The following LDLRAD4 variants were observed in gnomAD, a reference collection of about 807,000 sequenced individuals.
The protein encoded by LDLRAD4 is low-density lipoprotein receptor class A domain-containing protein 4.
In LDLRAD4, 5 loss-of-function variants were observed where a neutral mutation model predicts 17.0. That is an observed-to-expected ratio of 0.29 (90% CI 0.15 to 0.62). LDLRAD4 has a LOEUF of 0.62. Ranked by LOEUF, LDLRAD4 falls within the 20% of genes least tolerant of loss-of-function variation. The pLI is 0.84. For synonymous variants in LDLRAD4, 168 were observed against 171.8 expected, an observed-to-expected ratio of 0.98 and a Z score of 0.17; for missense variants, 340 against 424.7, an observed-to-expected ratio of 0.80 and a Z score of 1.75.
chr18:13,343,779 C>A (rs1253686505), intron 1 of LDLRAD4, among the ~76,000 whole-genome samples: 2 of 152,194 alleles, frequency 1.3e-5, no homozygotes, highest in Non-Finnish European at 2.9e-5. Context: ...ATCATTCTAA[C>A]TGGTGTGAGA....
intron 3 of LDLRAD4, among the ~76,000 whole-genome samples, chr18:13,439,938 C>T (rs1048135843): frequency 6.6e-6 from 1 of 152,210 alleles, no homozygotes; most frequent in African/African-American, 2.4e-5. Flanking sequence ...TGGAGTATCA[C>T]ACAGGACAAT....
At chr18:13,607,094 T>C (rs1157556501) in intron 3 of LDLRAD4, among the ~76,000 whole-genome samples, 1 of 152,232 alleles carries the variant, frequency 6.6e-6, no homozygotes, top group Non-Finnish European at 1.5e-5. Context: ...ATTTGTTGAC[T>C]GTTGGCTAAT....
chr18:13,609,823 A>T lies in LDLRAD4; in HGVS notation c.182-11294A>T, dbSNP rs533488730. 9.5e-4 allele frequency among the ~76,000 whole-genome samples: 144 copies of T among 152,210 alleles called. 1 individual carries two copies. Among genetic ancestry groups the T allele is most frequent in the African/African-American group, 3.1e-3 (130 of 41,510 alleles). ...CCCCATCTCTACTAAAAATACAAAA[A>T]TTACAAAAATTAGCCCGGCATGTTG... On this transcript the variant is annotated intron_variant, in intron 3 of 5. Coordinates refer to ENST00000359446, the Ensembl canonical transcript of LDLRAD4.
chr18:13,454,643 G>A (rs1208877266), intron 3 of LDLRAD4, among the ~76,000 whole-genome samples: 3 of 152,262 alleles, frequency 2.0e-5, no homozygotes, highest in Non-Finnish European at 2.9e-5. Context: ...GCCTGTCTCT[G>A]CAGAGAGGGT....
chr18:13,348,682 G>GAGGC (rs879854117), intron 1 of LDLRAD4, among the ~76,000 whole-genome samples: 1 of 152,144 alleles, frequency 6.6e-6, no homozygotes, highest in Non-Finnish European at 1.5e-5. Context: ...GGAGTCTATA[G>GAGGC]AGGCAGGCAG....
chr18:13,621,861 T>G lies in LDLRAD4; in HGVS notation c.336+590T>G, dbSNP rs937942574. Among the ~76,000 whole-genome samples the G allele has an allele frequency of 2.6e-4, 31 of 119,488 alleles. No individual in the cohort carries two copies. The highest frequency in any genetic ancestry group is 3.8e-3 in the Middle Eastern group (1 of 262). The allele number at this position is 119,488 out of a possible 152,430, so 78.4% of individuals were successfully genotyped here. The stretch of plus-strand genomic sequence containing the variant: ...GTTGTCGGCGGTGGGTTGTGGAGGG[T>G]GGGGTTGTGGAGGGTGGGGTTGTCG... On this transcript the variant is annotated intron_variant, in intron 4 of 5. Coordinates refer to ENST00000359446, the Ensembl canonical transcript of LDLRAD4. This position sits in a 1 kb window ranked among gnomAD's most constrained non-coding sequence, Gnocchi z 5.5.
At chr18:13,390,989 C>T (rs1417128132) in intron 2 of LDLRAD4, among the ~76,000 whole-genome samples, 2 of 152,222 alleles carry the variant, frequency 1.3e-5, no homozygotes, top group Non-Finnish European at 2.9e-5. Flanking sequence ...ACTCTGCCTG[C>T]CCAGGCAGCT....
rs189631788 is a variant in LDLRAD4, at chr18:13,609,699, G to A, written c.182-11418G>A. Among the ~76,000 whole-genome samples, 504 of 152,336 alleles carry A rather than the reference G, an allele frequency of 3.3e-3. 5 individuals carry two copies. The highest frequency in any genetic ancestry group is 0.011 in the African/African-American group (473 of 41,562). ...ATTAAGATCGGCTCCATGGCCGGGC[G>A]TGGTGGCTCACACCTGTAATCCCAG... On this transcript the variant is annotated intron_variant, in intron 3 of 5. Transcript: ENST00000359446.
At chr18:13,526,238 T>A (rs1252072971) in intron 3 of LDLRAD4, 1 of 152,194 alleles carries the variant, frequency 6.6e-6, no homozygotes, top group Non-Finnish European at 1.5e-5. Flanking sequence ...TAGGCCCTCC[T>A]CTTGTCAATG....
intron 3 of LDLRAD4, among the ~76,000 whole-genome samples, chr18:13,579,343 T>C (rs2094823865): frequency 6.6e-6 from 1 of 152,256 alleles, no homozygotes; most frequent in Non-Finnish European, 1.5e-5. Context: ...AATGATCAAG[T>C]TGTCAGTCTC....
chr18:13,345,193 A>G (rs2082611298), intron 1 of LDLRAD4, among the ~76,000 whole-genome samples: 1 of 152,202 alleles, frequency 6.6e-6, no homozygotes, highest in South Asian at 2.1e-4. Context: ...GTGTTTGACC[A>G]TTCAGTATGA....
In LDLRAD4 at chr18:13,637,895, G is replaced by C. The variant is rs898921175; in HGVS notation, c.337-5464G>C. Among the ~76,000 whole-genome samples, 84 of 151,016 alleles carry C rather than the reference G, an allele frequency of 5.6e-4. 1 individual carries two copies. The highest frequency in any genetic ancestry group is 1.0e-3 in the Non-Finnish European group (69 of 67,768). On this transcript the variant is annotated intron_variant, in intron 4 of 5. Coordinates refer to ENST00000359446, the Ensembl canonical transcript of LDLRAD4. ...ACAAAAAAAAAAAAAAAAAGAGAGA[G>C]AGAGGTAATGGAAATTTATCCCCCT...
At chr18:13,584,130 G>A (rs2094903982) in intron 3 of LDLRAD4, among the ~76,000 whole-genome samples, 1 of 152,200 alleles carries the variant, frequency 6.6e-6, no homozygotes. Context: ...CCTGTGACCG[G>A]CGTCTGCCTC....
chr18:13,323,312 G>A (rs1024865001), intron 1 of LDLRAD4, among the ~76,000 whole-genome samples: 15 of 152,380 alleles, frequency 9.8e-5, no homozygotes, highest in African/African-American at 3.1e-4. Flanking sequence ...AGCATGTCAC[G>A]CATTTGCTTT....
intron 3 of LDLRAD4, among the ~76,000 whole-genome samples, chr18:13,505,642 A>AC (rs2093678360): frequency 1.3e-5 from 2 of 151,976 alleles, no homozygotes; most frequent in South Asian, 4.2e-4. Context: ...GCACGGTGAA[A>AC]CTCATCTCTA....
intron 1 of LDLRAD4, among the ~76,000 whole-genome samples, chr18:13,338,432 T>A (rs2082216007): frequency 6.6e-6 from 1 of 152,166 alleles, no homozygotes; most frequent in South Asian, 2.1e-4. Flanking sequence ...CCTGCTGTTG[T>A]TGACTCTTGA....
chr18:13,645,037 C>A lies in LDLRAD4; in HGVS notation c.391-90C>A. ...GATGGTGTTCAAACTGGTAGGAACA[C>A]ACACCAAGCGTAACTTTCCTTGATT... On this transcript the variant is annotated intron_variant, in intron 5 of 5. Coordinates refer to ENST00000359446, the Ensembl canonical transcript of LDLRAD4. This position sits in a 1 kb window ranked among gnomAD's most constrained non-coding sequence, Gnocchi z 5.7. 1 of 1,069,792 alleles carries A rather than the reference C, an allele frequency of 9.3e-7. No individual in the cohort carries two copies. The highest frequency in any genetic ancestry group is 1.4e-6 in the Non-Finnish European group (1 of 737,966). The allele number at this position is 1,069,792 out of a possible 1,614,324, so 66.3% of individuals were successfully genotyped here.
At chr18:13,627,407 GC>G (rs1251002827) in intron 4 of LDLRAD4, among the ~76,000 whole-genome samples, 7 of 152,212 alleles carry the variant, frequency 4.6e-5, no homozygotes, top group Non-Finnish European at 8.8e-5. Flanking sequence ...TGCTGCCCGG[GC>G]TGTCACCTGT....
At chr18:13,545,603 A>T (rs2094350039) in intron 3 of LDLRAD4, among the ~76,000 whole-genome samples, 1 of 152,072 alleles carries the variant, frequency 6.6e-6, no homozygotes, top group Non-Finnish European at 1.5e-5. Context: ...TCTTCCACAC[A>T]CACACCTTCT....
Sources: allele counts gnomAD v4.1 joint callset (sites outside exome capture counted in the v4.1 genomes callset), GRCh38; gene constraint gnomAD v4.1.1; non-coding constraint Gnocchi (gnomAD v3.1); transcripts MANE v1.5; gene names NCBI Gene and HGNC (gene_info 2026-07-23, HGNC 2026-07-21).